The following SP100 variants were observed in gnomAD, a reference collection of about 807,000 sequenced individuals.
SP100 encodes the protein nuclear autoantigen Sp-100.
SP100 carries 84 observed loss-of-function variants against 130.0 expected under a neutral mutation model. The ratio of observed to expected loss-of-function variants is 0.65; its 90% CI spans 0.54 to 0.77. The LOEUF is 0.77. SP100 is among the 30% of genes least tolerant of loss of function. The probability of loss-of-function intolerance (pLI) is 0.00; values close to 1 mark genes in which losing one functional copy is unlikely to be tolerated. For synonymous variants in SP100, 331 were observed against 351.7 expected (o/e 0.94, Z 0.66); for missense variants, 978 against 1,052.2 (o/e 0.93, Z 0.97).
chr2:230,449,005 A>G, intron 5 of SP100, 83 bp from the exon 6 acceptor site: 1 of 888,246 alleles, frequency 1.1e-6, no homozygotes, highest in Non-Finnish European at 1.9e-6. Context: ...CTCCTACGTT[A>G]CAGAGACCAA....
At chr2:230,524,179 C>CAAAAAAAAAAAAAAA (rs71420292) in intron 24 of SP100, among the ~76,000 whole-genome samples, 29 of 75,302 alleles carry the variant, frequency 3.9e-4, no homozygotes, top group Middle Eastern at 0.011. Context: ...ACTAAAAATA[C>CAAAAAAAAAAAAAAA]AAAAAAAAAA....
In SP100 at chr2:230,442,953, C is replaced by T. The variant is rs1332534688; in HGVS notation, c.124C>T (p.Gln42Ter). The change falls in exon 3 of 29, where the codon CAG becomes TAG. Residue 42 changes from glutamine to a stop codon, truncating the protein, a stop_gained. Transcript: ENST00000340126. LOFTEE classifies it high-confidence loss of function. Reference sequence around the variant, plus strand: ...TTTCCCTAGGATGTTCACGGAAGACCAGGGTGTAGATGACAGGCTGCTCTA... The same window carrying T: ...TTTCCCTAGGATGTTCACGGAAGACTAGGGTGTAGATGACAGGCTGCTCTA... Reference protein sequence around the residue: ...HDLQRMFTEDQGVDDRLLYDI... With the variant: ...HDLQRMFTED 6.2e-7 allele frequency: 1 copy of T among 1,613,588 alleles called. No individual in the cohort carries two copies. Among genetic ancestry groups the T allele is most frequent in the African/African-American group, 1.3e-5 (1 of 74,956 alleles).
At chr2:230,453,159 G>A (rs1246298276) in intron 8 of SP100, among the ~76,000 whole-genome samples, 1 of 152,142 alleles carries the variant, frequency 6.6e-6, no homozygotes, top group African/African-American at 2.4e-5. Context: ...TCTTTACATG[G>A]CAGCAGCAAG....
chr2:230,420,760 A>T (rs1194325800), intron 2 of SP100, among the ~76,000 whole-genome samples: 2 of 152,162 alleles, frequency 1.3e-5, no homozygotes, highest in African/African-American at 4.8e-5. Context: ...AGCTTAAAGT[A>T]TCAGTCAATA....
chr2:230,431,141 T>G (rs1043996335), intron 2 of SP100, among the ~76,000 whole-genome samples: 2 of 152,234 alleles, frequency 1.3e-5, no homozygotes, highest in Non-Finnish European at 2.9e-5. Context: ...GGTGCTGATG[T>G]CAGGAGCACA....
At chr2:230,442,880 T>C in intron 2 of SP100, 57 bp from the exon 3 acceptor site, 1 of 1,477,562 alleles carries the variant, frequency 6.8e-7, no homozygotes, top group Non-Finnish European at 9.4e-7. Context: ...TCTTACAGCC[T>C]CCACAAACAT....
intron 20 of SP100, 144 bp from the exon 21 acceptor site, chr2:230,504,042 A>G (rs1161842007): frequency 8.7e-6 from 5 of 575,704 alleles, no homozygotes; most frequent in African/African-American, 5.6e-5. Flanking sequence ...GCCATGAAAG[A>G]AGGACTTTGA....
chr2:230,531,437 G>A (rs191342815), intron 24 of SP100, among the ~76,000 whole-genome samples: 15 of 151,410 alleles, frequency 9.9e-5, no homozygotes, highest in Admixed American at 9.2e-4. Context: ...GGGGCTGGGG[G>A]AGGGATAGCA....
intron 8 of SP100, among the ~76,000 whole-genome samples, chr2:230,457,939 A>G (rs964054786): frequency 2.6e-5 from 4 of 152,214 alleles, no homozygotes; most frequent in Admixed American, 2.6e-4. Context: ...GACTTTGTTC[A>G]CAGCCTCTGG....
chr2:230,429,055 T>G (rs1421235939), intron 2 of SP100, among the ~76,000 whole-genome samples: 1 of 152,244 alleles, frequency 6.6e-6, no homozygotes, highest in Non-Finnish European at 1.5e-5. Flanking sequence ...ATTTTGTATA[T>G]TTATATATTG....
chr2:230,502,994 G>T, intron 19 of SP100, 72 bp from the exon 20 acceptor site: 3 of 1,185,140 alleles, frequency 2.5e-6, no homozygotes, highest in South Asian at 1.4e-5. Context: ...AGTTGCATTT[G>T]AATGGTGGTT....
At chr2:230,416,870 A>C (rs1216414071) in intron 1 of SP100, 1 of 985,408 alleles carries the variant, frequency 1.0e-6, no homozygotes, top group African/African-American at 1.7e-5. Flanking sequence ...AAAGGGAAGA[A>C]AAAGGCCCAG....
Position 230,482,184 on chromosome 2 carries a change from C to G in SP100, c.1600+7737C>G, listed in dbSNP as rs140937358. 5.0e-3 allele frequency among the ~76,000 whole-genome samples: 763 copies of G among 152,112 alleles called. 4 individuals are homozygous for G. Among genetic ancestry groups the G allele is most frequent in the African/African-American group, 0.017 (713 of 41,482 alleles). ...TATCATTTATAATTATTTTTTTAAT[C>G]TTGTTTAAGAAATCTTGGCCTAATC... On this transcript the variant is annotated intron_variant, in intron 17 of 28. Transcript: ENST00000340126.
chr2:230,460,931 G>A (rs1187303923), intron 8 of SP100, among the ~76,000 whole-genome samples: 2 of 151,346 alleles, frequency 1.3e-5, no homozygotes, highest in Non-Finnish European at 2.9e-5. Context: ...CCGGTAATCT[G>A]TTTCTTGATC....
chr2:230,539,416 C>A, intron 25 of SP100, 34 bp downstream of exon 25: 2 of 1,471,976 alleles, frequency 1.4e-6, no homozygotes, highest in South Asian at 1.1e-5. Flanking sequence ...CTGAGCCCTT[C>A]CTTCTTGTGG....
chr2:230,506,288 G>T lies in SP100; in HGVS notation c.1871-15G>T, dbSNP rs541336144. On this transcript the variant is annotated splice_polypyrimidine_tract_variant and intron_variant, in intron 21 of 28. Transcript: ENST00000340126. ...TTTTCACAGTTGGGGAGCTCACTTT[G>T]CCTTGGTCTTACAGGAACCTCAAAG... The T allele has an allele frequency of 3.9e-5, 63 of 1,613,212 alleles. No individual in the cohort carries two copies. The South Asian group carries it at 6.7e-4, about 17-fold the overall frequency.
chr2:230,533,162 T>C (rs1402848546), intron 24 of SP100, among the ~76,000 whole-genome samples: 2 of 152,212 alleles, frequency 1.3e-5, no homozygotes, highest in African/African-American at 4.8e-5. Flanking sequence ...TTGCATAGTA[T>C]CTAAATGAAA....
chr2:230,478,633 G>A (rs1162736476), intron 17 of SP100, among the ~76,000 whole-genome samples: 1 of 152,096 alleles, frequency 6.6e-6, no homozygotes, highest in Non-Finnish European at 1.5e-5. Flanking sequence ...GGGTCGAGGG[G>A]CCTTTCCTTT....
chr2:230,445,045 G>T (rs1483158128), intron 4 of SP100, among the ~76,000 whole-genome samples: 1 of 152,178 alleles, frequency 6.6e-6, no homozygotes, highest in Non-Finnish European at 1.5e-5. Flanking sequence ...AGCAGAAGTG[G>T]TTTTGCTAAC....
Sources: gnomAD v4.1 joint callset for allele counts (sites outside exome capture counted in the v4.1 genomes callset) on GRCh38, gnomAD v4.1.1 for gene constraint, MANE v1.5 for transcripts, NCBI Gene and HGNC (gene_info 2026-07-23, HGNC 2026-07-21) for gene names.